EYS: variants seen among roughly 807,000 people sequenced by gnomAD.
The protein encoded by EYS is protein eyes shut homolog.
EYS carries 250 observed loss-of-function variants against 282.1 expected under a neutral mutation model. The observed-to-expected ratio is 0.89, with a 90% CI of 0.80 to 0.98. EYS has a LOEUF of 0.98. EYS is among the 50% of genes least tolerant of loss of function. The pLI is 0.00. For missense variants in EYS, 4,016 were observed against 3,709.0 expected (o/e 1.08, Z -2.15); for synonymous variants, 1,355 against 1,282.9 (o/e 1.06, Z -1.20).
intron 26 of EYS, among the ~76,000 whole-genome samples, chr6:64,497,294 C>A (rs1234248528): frequency 6.6e-6 from 1 of 152,146 alleles, no homozygotes; most frequent in Non-Finnish European, 1.5e-5. Context: ...TGACTGTAAT[C>A]TTTGCTCAAG....
intron 26 of EYS, among the ~76,000 whole-genome samples, chr6:64,582,392 T>C (rs1366722851): frequency 6.6e-6 from 1 of 152,108 alleles, no homozygotes. Context: ...AGCAGTTTCA[T>C]CCCAAAACCA....
chr6:64,605,982 C>A (rs1766920718), intron 24 of EYS, among the ~76,000 whole-genome samples: 1 of 151,936 alleles, frequency 6.6e-6, no homozygotes, highest in Non-Finnish European at 1.5e-5. Context: ...TCTTACGTTC[C>A]TCCATTGGAA....
intron 35 of EYS, among the ~76,000 whole-genome samples, chr6:63,899,552 C>T (rs556920610): frequency 6.6e-6 from 1 of 152,224 alleles, no homozygotes; most frequent in African/African-American, 2.4e-5. Flanking sequence ...ACTGTTCCCC[C>T]ACTAATGCCA....
At chr6:64,110,940 A>G (rs996141678) in intron 31 of EYS, among the ~76,000 whole-genome samples, 1 of 152,000 alleles carries the variant, frequency 6.6e-6, no homozygotes, top group Non-Finnish European at 1.5e-5. Flanking sequence ...GCAGTACTGA[A>G]TTAGAACCTA....
At chr6:64,226,038 CTGA>C (rs1766244189) in intron 31 of EYS, among the ~76,000 whole-genome samples, 1 of 152,098 alleles carries the variant, frequency 6.6e-6, no homozygotes, top group Non-Finnish European at 1.5e-5. Flanking sequence ...TGGTCCTTTT[CTGA>C]TGATGTAGAC....
chr6:65,514,345 G>T (rs186896499), intron 2 of EYS, among the ~76,000 whole-genome samples: 1 of 152,148 alleles, frequency 6.6e-6, no homozygotes, highest in African/African-American at 2.4e-5. Flanking sequence ...AATCAATATC[G>T]TGAAAATGGC....
chr6:65,479,064 TAGG>T (rs1351422636), intron 5 of EYS, among the ~76,000 whole-genome samples: 1 of 145,670 alleles, frequency 6.9e-6, no homozygotes, highest in East Asian at 2.1e-4. Flanking sequence ...CAGTGACCAG[TAGG>T]AGAATTCTTA....
At chr6:64,434,180 G>T (rs1477223035) in intron 28 of EYS, among the ~76,000 whole-genome samples, 3 of 152,020 alleles carry the variant, frequency 2.0e-5, no homozygotes, top group Non-Finnish European at 4.4e-5. Flanking sequence ...GACACAGAGA[G>T]AATACAGCCA....
chr6:63,867,474 C>T (rs1019734490), intron 35 of EYS, among the ~76,000 whole-genome samples: 1 of 152,106 alleles, frequency 6.6e-6, no homozygotes, highest in Non-Finnish European at 1.5e-5. Context: ...TTTACCTATA[C>T]ACCAGAGGAC....
intron 26 of EYS, among the ~76,000 whole-genome samples, chr6:64,480,311 A>C (rs929430756): frequency 3.9e-5 from 6 of 151,956 alleles, no homozygotes; most frequent in Admixed American, 2.0e-4. Context: ...GTCATTAAAC[A>C]ACTCTATTAC....
intron 12 of EYS, among the ~76,000 whole-genome samples, chr6:65,080,862 A>G (rs1774213798): frequency 6.6e-6 from 1 of 152,102 alleles, no homozygotes; most frequent in African/African-American, 2.4e-5. Flanking sequence ...TTTTACATGT[A>G]CTGATGCCTT....
intron 36 of EYS, among the ~76,000 whole-genome samples, chr6:63,863,608 A>T (rs569262067): frequency 1.4e-5 from 2 of 147,002 alleles, no homozygotes; most frequent in Admixed American, 1.3e-4. Context: ...GATTTTCTGT[A>T]CTCTAACCTC....
intron 12 of EYS, among the ~76,000 whole-genome samples, chr6:65,164,598 A>G (rs541073268): frequency 4.6e-5 from 7 of 151,442 alleles, no homozygotes; most frequent in African/African-American, 1.7e-4. Context: ...ATCTTGAAAC[A>G]TATATACTAT....
chr6:64,966,657 T>C (rs1322809829), intron 14 of EYS, among the ~76,000 whole-genome samples: 1 of 152,194 alleles, frequency 6.6e-6, no homozygotes, highest in Non-Finnish European at 1.5e-5. Flanking sequence ...TTCCTTCATC[T>C]GTAAAGACAA....
intron 22 of EYS, among the ~76,000 whole-genome samples, chr6:64,739,916 CTTATT>C (rs1314247810): frequency 6.6e-6 from 1 of 151,998 alleles, no homozygotes; most frequent in Non-Finnish European, 1.5e-5. Context: ...TTTTTAAACT[CTTATT>C]TTATGTTAAT....
intron 22 of EYS, among the ~76,000 whole-genome samples, chr6:64,727,194 C>T (rs1771784960): frequency 6.6e-6 from 1 of 152,152 alleles, no homozygotes; most frequent in Admixed American, 6.5e-5. Flanking sequence ...GAAGAAGCCA[C>T]TCATAAGACT....
chr6:64,038,847 C>T (rs529131722), intron 33 of EYS, among the ~76,000 whole-genome samples: 108 of 151,576 alleles, frequency 7.1e-4, no homozygotes, highest in Non-Finnish European at 1.3e-3. Context: ...CTCTGTAGCC[C>T]GGGCTGGAGT....
intron 1 of EYS, among the ~76,000 whole-genome samples, chr6:65,701,166 T>C (rs895595583): frequency 6.6e-6 from 1 of 152,198 alleles, no homozygotes; most frequent in Non-Finnish European, 1.5e-5. Flanking sequence ...TCAAAGAGTA[T>C]TGGAAAATTT....
intron 12 of EYS, among the ~76,000 whole-genome samples, chr6:65,241,784 G>C (rs2150276265): frequency 6.6e-6 from 1 of 152,144 alleles, no homozygotes; most frequent in Non-Finnish European, 1.5e-5. Context: ...TGCTTGGACA[G>C]AGAAAGAGTA....
Sources: allele counts gnomAD v4.1 joint callset (sites outside exome capture counted in the v4.1 genomes callset), GRCh38; gene constraint gnomAD v4.1.1; transcripts MANE v1.5; gene names NCBI Gene and HGNC (gene_info 2026-07-23, HGNC 2026-07-21).